Variants in GPC5 observed in about 807,000 individuals in gnomAD.
The protein encoded by GPC5 is glypican 5.
In GPC5, 47 loss-of-function variants were observed where a neutral mutation model predicts 53.9. The ratio of observed to expected loss-of-function variants is 0.87; its 90% CI spans 0.69 to 1.11. The LOEUF is 1.11. Ranked by LOEUF, GPC5 falls within the 50% of genes most tolerant of loss-of-function variation. The pLI, the probability that GPC5 is intolerant of heterozygous loss-of-function variation, is 0.00. For synonymous variants in GPC5, 286 were observed against 263.3 expected, an observed-to-expected ratio of 1.09 and a Z score of -0.84; for missense variants, 748 against 713.1, an observed-to-expected ratio of 1.05 and a Z score of -0.56.
intron 2 of GPC5, among the ~76,000 whole-genome samples, chr13:91,527,036 C>T (rs948329632): frequency 7.9e-5 from 12 of 152,184 alleles, no homozygotes; most frequent in African/African-American, 2.9e-4. Context: ...AGTGGGGACA[C>T]AGAACCAAAC....
intron 2 of GPC5, among the ~76,000 whole-genome samples, chr13:91,524,439 T>C (rs1333979476): frequency 1.3e-5 from 2 of 152,198 alleles, no homozygotes; most frequent in Non-Finnish European, 2.9e-5. Context: ...TATATATTTT[T>C]TTAAATTTAG....
At chr13:91,677,968 G>A (rs527826656) in intron 2 of GPC5, among the ~76,000 whole-genome samples, 2 of 152,278 alleles carry the variant, frequency 1.3e-5, no homozygotes, top group South Asian at 4.1e-4. Context: ...TAGTAAAACA[G>A]ACTGTTCTTG....
At chr13:92,545,491 C>T (rs1197658353) in intron 7 of GPC5, among the ~76,000 whole-genome samples, 1 of 152,158 alleles carries the variant, frequency 6.6e-6, no homozygotes, top group Non-Finnish European at 1.5e-5. Context: ...TGAGGAATCA[C>T]CACACTGACT....
chr13:91,871,855 A>G (rs1036075492), intron 5 of GPC5, among the ~76,000 whole-genome samples: 4 of 152,198 alleles, frequency 2.6e-5, no homozygotes, highest in Non-Finnish European at 4.4e-5. Context: ...TTTTTTCATG[A>G]CAGTAACATA....
chr13:91,624,223 A>AGACTG (rs2033939527), intron 2 of GPC5, among the ~76,000 whole-genome samples: 1 of 152,144 alleles, frequency 6.6e-6, no homozygotes, highest in Non-Finnish European at 1.5e-5. Context: ...ACTGTCAAAA[A>AGACTG]TCTACCCCTA....
At chr13:92,175,250 A>G (rs2042101396) in intron 7 of GPC5, among the ~76,000 whole-genome samples, 1 of 152,208 alleles carries the variant, frequency 6.6e-6, no homozygotes, top group Non-Finnish European at 1.5e-5. Context: ...TTCAGATTTA[A>G]TGGTGACCCT....
At chr13:92,152,873 A>G (rs1353185936) in intron 7 of GPC5, among the ~76,000 whole-genome samples, 1 of 152,216 alleles carries the variant, frequency 6.6e-6, no homozygotes, top group East Asian at 1.9e-4. Context: ...GAAATACAAC[A>G]TTTCCATGGC....
At chr13:92,634,497 T>C (rs944816636) in intron 7 of GPC5, among the ~76,000 whole-genome samples, 18 of 152,132 alleles carry the variant, frequency 1.2e-4, no homozygotes, top group African/African-American at 3.4e-4. Flanking sequence ...TTTTCTTATA[T>C]TGAGTATTCG....
At chr13:92,682,271 C>A (rs1211808933) in intron 7 of GPC5, among the ~76,000 whole-genome samples, 2 of 152,150 alleles carry the variant, frequency 1.3e-5, no homozygotes, top group African/African-American at 2.4e-5. Context: ...AATTCAGTGT[C>A]TTCTGGGAGC....
At chr13:92,737,865 C>T (rs1012266590) in intron 7 of GPC5, among the ~76,000 whole-genome samples, 2 of 135,440 alleles carry the variant, frequency 1.5e-5, no homozygotes, top group African/African-American at 2.8e-5. Context: ...CTCCTGGGTT[C>T]AAGCAATTCT....
chr13:92,771,651 G>C (rs1000512979), intron 7 of GPC5, among the ~76,000 whole-genome samples: 3 of 151,982 alleles, frequency 2.0e-5, no homozygotes, highest in Admixed American at 2.0e-4. Flanking sequence ...CCCTTATCCA[G>C]TTTTTCTAAG....
intron 2 of GPC5, among the ~76,000 whole-genome samples, chr13:91,630,962 G>GT (rs1007101170): frequency 6.6e-6 from 1 of 152,140 alleles, no homozygotes; most frequent in Non-Finnish European, 1.5e-5. Context: ...TCCAACATCT[G>GT]TTTTTTAAAA....
chr13:92,560,857 A>ATGTGTGTGTGTGTGTG (rs34114433), intron 7 of GPC5, among the ~76,000 whole-genome samples: 117 of 139,246 alleles, frequency 8.4e-4, no homozygotes, highest in Middle Eastern at 7.1e-3. Context: ...AGAAAATTAT[A>ATGTGTGTGTGTGTGTG]TGTGTGTGTG....
At chr13:92,198,524 C>T (rs1020501701) in intron 7 of GPC5, among the ~76,000 whole-genome samples, 3 of 152,156 alleles carry the variant, frequency 2.0e-5, no homozygotes, top group African/African-American at 7.2e-5. Context: ...ATTATTCTTG[C>T]TTCCATCATG....
At chr13:91,431,532 A>G (rs1276310208) in intron 1 of GPC5, among the ~76,000 whole-genome samples, 1 of 152,194 alleles carries the variant, frequency 6.6e-6, no homozygotes, top group African/African-American at 2.4e-5. Flanking sequence ...CCACGGTGAA[A>G]TAGAATAGGC....
chr13:92,738,489 A>G (rs910973378), intron 7 of GPC5, among the ~76,000 whole-genome samples: 6 of 152,070 alleles, frequency 3.9e-5, no homozygotes, highest in Non-Finnish European at 7.4e-5. Context: ...GAAAATACAC[A>G]TATGCTGGGA....
At chr13:92,633,609 A>T (rs879552126) in intron 7 of GPC5, among the ~76,000 whole-genome samples, 5 of 152,084 alleles carry the variant, frequency 3.3e-5, no homozygotes, top group African/African-American at 4.8e-5. Flanking sequence ...TTCCCAAAAC[A>T]TTCTGAAAGT....
chr13:91,897,313 G>C (rs2039452463), intron 5 of GPC5, among the ~76,000 whole-genome samples: 1 of 150,484 alleles, frequency 6.6e-6, no homozygotes, highest in African/African-American at 2.4e-5. Context: ...GCTATTCAAA[G>C]TAGAAGTAAA....
chr13:91,494,181 C>T (rs555647814), intron 2 of GPC5, among the ~76,000 whole-genome samples: 4 of 152,002 alleles, frequency 2.6e-5, no homozygotes, highest in African/African-American at 4.8e-5. Context: ...TGAGCCACCG[C>T]GCCCGGTCTG....
Sources: allele counts gnomAD v4.1 joint callset (sites outside exome capture counted in the v4.1 genomes callset), GRCh38; gene constraint gnomAD v4.1.1; transcripts MANE v1.5; gene names NCBI Gene and HGNC (gene_info 2026-07-23, HGNC 2026-07-21).